MAP4: variants seen among roughly 807,000 people sequenced by gnomAD.
MAP4 encodes the protein microtubule associated protein 4.
Under a neutral mutation model 170.2 loss-of-function variants are expected in MAP4, and 76 were observed. That is an observed-to-expected ratio of 0.45 (90% CI 0.37 to 0.54). The LOEUF is 0.54. MAP4 is among the 20% of genes least tolerant of loss of function. MAP4 has a pLI of 0.00. For synonymous variants in MAP4, 909 were observed against 994.5 expected (o/e 0.91, Z 1.62); for missense variants, 2,506 against 2,748.0 (o/e 0.91, Z 1.97).
chr3:47,900,590 G>T (rs2100029475), intron 10 of MAP4, among the ~76,000 whole-genome samples: 1 of 152,088 alleles, frequency 6.6e-6, no homozygotes, highest in Non-Finnish European at 1.5e-5. Context: ...ACAAAAACTA[G>T]CTGGGTGCGG....
Position 47,877,412 on chromosome 3 carries a change from C to G in MAP4, c.5541+5G>C, listed in dbSNP as rs779134758. On this transcript the variant is annotated splice_donor_5th_base_variant and intron_variant, in intron 11 of 20. Transcript: ENST00000683076. ...GTAGAAGATAACCACCATTCTGGCA[C>G]CTACCTTTGTTTTCTTCTCTGGGCT... The G allele has an allele frequency of 6.2e-7, 1 of 1,610,612 alleles. No individual in the cohort carries two copies. The highest frequency in any genetic ancestry group is 8.5e-7 in the Non-Finnish European group (1 of 1,177,016).
chr3:47,975,238 A>T, intron 3 of MAP4: 16 of 1,309,004 alleles, frequency 1.2e-5, no homozygotes, highest in Non-Finnish European at 1.6e-5. Context: ...CACAAAGGGA[A>T]ATGAGGCTCC....
At chr3:47,928,128 T>C in intron 4 of MAP4, 100 bp downstream of exon 4, 2 of 1,423,766 alleles carry the variant, frequency 1.4e-6, no homozygotes, top group Non-Finnish European at 1.9e-6. Flanking sequence ...CTTTGTGATC[T>C]ATACTTAAGC....
At chr3:48,088,011 T>C (rs2100150227) in intron 1 of MAP4, among the ~76,000 whole-genome samples, 1 of 152,066 alleles carries the variant, frequency 6.6e-6, no homozygotes, top group Non-Finnish European at 1.5e-5. Context: ...TGCATTTAAT[T>C]TACCCGTTCC....
At chr3:48,039,112 C>T (rs1396550368) in intron 1 of MAP4, among the ~76,000 whole-genome samples, 1 of 151,832 alleles carries the variant, frequency 6.6e-6, no homozygotes, top group African/African-American at 2.4e-5. Context: ...TCAAAAAAAA[C>T]AAACAAACAA....
At chr3:47,932,124 T>A (rs77109463) in intron 3 of MAP4, among the ~76,000 whole-genome samples, 2,992 of 152,288 alleles carry the variant, frequency 0.02, 97 homozygotes, top group African/African-American at 0.069. Flanking sequence ...ACTCGTCTAC[T>A]TTTTGTTCCT....
rs779087966 is a variant in MAP4 at position 47,916,411 on chromosome 3, C to T, written c.1416G>A (p.Val472=). 3 of 1,614,046 alleles carry T rather than the reference C, an allele frequency of 1.9e-6. No homozygotes were observed. Among genetic ancestry groups the T allele is most frequent in the Admixed American group, 1.7e-5 (1 of 60,002 alleles). ...KDKALPLEAE[V]APVKDMAQLP... ...GTTGAGCCATGTCCTTGACTGGGGC[C>T]ACCTCTGCTTCTAAAGGTAGTGCTT... Residue 472 remains valine, a synonymous_variant, in exon 7 of 21, where the codon GTG becomes GTA. Transcript: ENST00000683076.
intron 10 of MAP4, among the ~76,000 whole-genome samples, chr3:47,902,673 C>CA (rs3051642): frequency 0.15 from 3,965 of 25,676 alleles, 1,079 homozygotes; most frequent in East Asian, 0.36. Flanking sequence ...GACTCTGTCT[C>CA]AAAAAAAAAA....
At chr3:47,994,708 G>C (rs534816388) in intron 2 of MAP4, among the ~76,000 whole-genome samples, 67 of 152,196 alleles carry the variant, frequency 4.4e-4, no homozygotes, top group Non-Finnish European at 8.5e-4. Context: ...CCAGCACTTT[G>C]GGAGGCCAAG....
chr3:48,067,788 C>T (rs1289651851), intron 1 of MAP4, among the ~76,000 whole-genome samples: 1 of 152,010 alleles, frequency 6.6e-6, no homozygotes, highest in Admixed American at 6.6e-5. Flanking sequence ...TATAGGCATG[C>T]ACCACCATGG....
chr3:48,083,871 C>T (rs1218330228), intron 1 of MAP4, among the ~76,000 whole-genome samples: 3 of 150,994 alleles, frequency 2.0e-5, no homozygotes, highest in Admixed American at 1.3e-4. Flanking sequence ...GGATTACAGG[C>T]GCTTGCCACC....
At chr3:47,976,856 T>C (rs1002486494) in intron 3 of MAP4, among the ~76,000 whole-genome samples, 2 of 152,220 alleles carry the variant, frequency 1.3e-5, no homozygotes, top group African/African-American at 4.8e-5. Flanking sequence ...TATATACAAC[T>C]TTCCTATGGT....
intron 17 of MAP4, among the ~76,000 whole-genome samples, chr3:47,863,079 C>T (rs192207237): frequency 1.3e-5 from 2 of 151,990 alleles, no homozygotes; most frequent in Non-Finnish European, 1.5e-5. Context: ...CAGGATCAAG[C>T]GATTCTCTTG....
intron 1 of MAP4, among the ~76,000 whole-genome samples, chr3:47,999,256 T>C (rs1182769631): frequency 6.6e-6 from 1 of 152,190 alleles, no homozygotes; most frequent in African/African-American, 2.4e-5. Flanking sequence ...TACATTACTA[T>C]CGGACAAATG....
chr3:47,949,678 T>G (rs928140585), intron 3 of MAP4, among the ~76,000 whole-genome samples: 6 of 152,160 alleles, frequency 3.9e-5, no homozygotes, highest in Non-Finnish European at 7.4e-5. Context: ...TGCCTTTCAG[T>G]TCCAAATCTA....
chr3:48,040,436 T>C (rs1356439770), intron 1 of MAP4, among the ~76,000 whole-genome samples: 1 of 150,946 alleles, frequency 6.6e-6, no homozygotes, highest in East Asian at 1.9e-4. Context: ...GCCCAACTAA[T>C]TTTTTTTTAT....
intron 2 of MAP4, among the ~76,000 whole-genome samples, chr3:47,997,957 A>C (rs528185416): frequency 1.4e-4 from 22 of 152,378 alleles, no homozygotes; most frequent in African/African-American, 5.0e-4. Context: ...AATCCGACAG[A>C]AAATTCCAGG....
intron 1 of MAP4, among the ~76,000 whole-genome samples, chr3:48,014,658 C>CA (rs1263257811): frequency 5.2e-4 from 74 of 141,176 alleles, no homozygotes; most frequent in East Asian, 3.9e-3. Flanking sequence ...AACCCTGACT[C>CA]AAAAAAAAAA....
intron 3 of MAP4, among the ~76,000 whole-genome samples, chr3:47,945,929 GTTTTA>G (rs1329160050): frequency 1.2e-4 from 18 of 151,220 alleles, no homozygotes; most frequent in Middle Eastern, 6.8e-3. Context: ...GCCAAGACTG[GTTTTA>G]TTTTATTTTA....
Sources: gnomAD v4.1 joint callset for allele counts (sites outside exome capture counted in the v4.1 genomes callset) on GRCh38, gnomAD v4.1.1 for gene constraint, MANE v1.5 for transcripts, NCBI Gene and HGNC (gene_info 2026-07-23, HGNC 2026-07-21) for gene names.